FAM111B: variants seen among roughly 807,000 people sequenced by gnomAD.
FAM111B encodes the protein FAM111 trypsin like peptidase B, also known as serine protease FAM111B.
Under a neutral mutation model 2.8 loss-of-function variants are expected in FAM111B, and 1 was observed. That is an observed-to-expected ratio of 0.36 (90% CI 0.13 to 1.70). The LOEUF (loss-of-function observed/expected upper bound fraction) is 1.70. Among genes scored for constraint, FAM111B ranks in the 40% most tolerant of loss-of-function variants. The pLI is 0.35. For synonymous variants in FAM111B, 297 were observed against 295.6 expected (o/e 1.00, Z -0.05); for missense variants, 882 against 878.9 (o/e 1.00, Z -0.04).
At position 59,108,565 on chromosome 11, in the gene FAM111B, A is replaced by C. The variant is rs79123977; in HGVS notation, c.-131-103A>C. On this transcript the variant is annotated intron_variant, in intron 1 of 3. Transcript: ENST00000343597. ...AGTCTGCTAAAGTGGATTATAGGAT[A>C]CATTTCAATTGTCACTGTCCTTAAT... 9.2e-3 allele frequency: 1,448 copies of C among 156,596 alleles called. 24 individuals are homozygous for C. Among genetic ancestry groups the C allele is most frequent in the African/African-American group, 0.033 (1,377 of 41,658 alleles). 9.7% of individuals were successfully genotyped at this position (156,596 alleles called of 1,614,324 possible).
chr11:59,126,921 C>G lies in FAM111B; in HGVS notation c.*619C>G, dbSNP rs909721454. 6.4e-6 allele frequency: 1 copy of G among 155,406 alleles called. No individual in the cohort carries two copies. The highest frequency in any genetic ancestry group is 1.5e-5 in the Non-Finnish European group (1 of 68,006). 9.6% of individuals were successfully genotyped at this position (155,406 alleles called of 1,614,324 possible). On this transcript the variant is annotated 3_prime_UTR_variant, in exon 4 of 4. Coordinates refer to ENST00000343597, the MANE Select transcript of FAM111B (RefSeq NM_198947.4). ...TCCAAAGGAATATAAATTGTTCTAC[C>G]ATAAAGACATGCACATATATGTTCA...
chr11:59,125,045 T>C lies in FAM111B; in HGVS notation c.948T>C (p.Asp316=), dbSNP rs1436030588. 6.2e-7 allele frequency: 1 copy of C among 1,613,294 alleles called. No homozygotes were observed. The highest frequency in any genetic ancestry group is 8.5e-7 in the Non-Finnish European group (1 of 1,179,790). Residue 316 remains aspartate, a synonymous_variant, in exon 4 of 4, where the codon GAT becomes GAC. Coordinates refer to ENST00000343597, the MANE Select transcript of FAM111B (RefSeq NM_198947.4). ...HKPKKDGETK[D]VEHSREQILP... ...CAAAGAAAGATGGAGAGACCAAAGA[T>C]GTAGAACACAGCAGAGAGCAAATTC...
Position 59,125,167 on chromosome 11 carries a change from A to T in FAM111B, c.1070A>T (p.Tyr357Phe). The change falls in exon 4 of 4, where the codon TAT becomes TTT. Residue 357 changes from tyrosine to phenylalanine, a missense_variant. Tyr to Phe is a conservative substitution (Grantham distance 22). Coordinates refer to ENST00000343597, the MANE Select transcript of FAM111B (RefSeq NM_198947.4). ...TACTTTTGTAGTTTGCCCCGAAAAT[A>T]TAGGCAAATAAACTCACAAGTTAGA... ...NYYFCSLPRK[Y>F]RQINSQVRRR... 6.2e-7 allele frequency: 1 copy of T among 1,613,980 alleles called. No individual in the cohort carries two copies. Among genetic ancestry groups the T allele is most frequent in the Non-Finnish European group, 8.5e-7 (1 of 1,179,868 alleles).
chr11:59,114,812 G>A (rs1298981640), intron 3 of FAM111B, among the ~76,000 whole-genome samples: 1 of 152,184 alleles, frequency 6.6e-6, no homozygotes, highest in East Asian at 1.9e-4. Flanking sequence ...GTGTGTTTGT[G>A]TGTGTGCATG....
Position 59,125,008 on chromosome 11 carries a change from A to G in FAM111B, c.911A>G (p.Lys304Arg), listed in dbSNP as rs761415295. Reference sequence around the variant, plus strand: ...CAGAGTCTGATACAGTCTAAGAAAAAAGTCCACAAACCAAAGAAAGATGGA... The same window carrying G: ...CAGAGTCTGATACAGTCTAAGAAAAGAGTCCACAAACCAAAGAAAGATGGA... ...NHQSLIQSKKKVHKPKKDGET... is the reference protein window; with the variant it reads ...NHQSLIQSKKRVHKPKKDGET... Residue 304 changes from lysine to arginine, a missense_variant, in exon 4 of 4, where the codon AAA (lysine) becomes AGA (arginine). By Grantham distance (26) the Lys-to-Arg change is conservative. Coordinates refer to ENST00000343597, the MANE Select transcript of FAM111B (RefSeq NM_198947.4). 1 of 1,612,778 alleles carries G rather than the reference A, an allele frequency of 6.2e-7. No homozygotes were observed. The highest frequency in any genetic ancestry group is 1.1e-5 in the South Asian group (1 of 90,702).
chr11:59,124,876 C>A lies in FAM111B; in HGVS notation c.779C>A (p.Ser260Tyr), dbSNP rs753216985. Residue 260 changes from serine (S) to tyrosine (Y), a missense_variant, in exon 4 of 4, where the codon TCT becomes TAT. Coordinates refer to ENST00000343597, the MANE Select transcript of FAM111B (RefSeq NM_198947.4). ...AAACAGTCCATGGTGGATGAAGTAT[C>A]TGGAAAAGTCTTAGAAATGGACATT... is the stretch of plus-strand genomic sequence containing the variant. ...YGKQSMVDEVSGKVLEMDISK... is the reference protein window; with the variant it reads ...YGKQSMVDEVYGKVLEMDISK... The A allele has an allele frequency of 6.2e-7, 1 of 1,608,016 alleles. No individual in the cohort carries two copies.
chr11:59,114,577 C>G (rs1384594141), intron 3 of FAM111B, among the ~76,000 whole-genome samples: 1 of 152,230 alleles, frequency 6.6e-6, no homozygotes, highest in Non-Finnish European at 1.5e-5. Context: ...CACCTTAGCA[C>G]TGACAGGAAC....
intron 3 of FAM111B, among the ~76,000 whole-genome samples, chr11:59,116,599 G>A (rs1459635472): frequency 6.6e-6 from 1 of 152,188 alleles, no homozygotes; most frequent in East Asian, 1.9e-4. Flanking sequence ...CTGAGGAGAA[G>A]GCAGTTGAGG....
Position 59,126,377 on chromosome 11 carries a change from AT to A in FAM111B, c.*77del. 1 of 1,268,928 alleles carries A rather than the reference AT, an allele frequency of 7.9e-7. No individual in the cohort carries two copies. Among genetic ancestry groups the A allele is most frequent in the Admixed American group, 2.6e-5 (1 of 38,608 alleles). 78.6% of individuals were successfully genotyped at this position (1,268,928 alleles called of 1,614,324 possible). On this transcript the variant is annotated 3_prime_UTR_variant, in exon 4 of 4. Coordinates refer to ENST00000343597, the MANE Select transcript of FAM111B (RefSeq NM_198947.4). ...TTTCATGACAAAGACACTTAAAGCA[AT>A]TGCAACAAAAGTGAAAATTGGCAAA... is the stretch of plus-strand genomic sequence containing the variant.
rs769836398 is a variant in FAM111B at position 59,124,736 on chromosome 11, T to G, written c.639T>G (p.Ile213Met). ...ELHEKGSKLC[I>M]YALKGETIEG... ...ATGAAAAAGGAAGTAAACTTTGTAT[T>G]TATGCCTTGAAGGGTGAGACTATTG... Residue 213 changes from isoleucine (I) to methionine (M), a missense_variant, in exon 4 of 4, where the codon ATT becomes ATG. Physicochemically the swap from Ile to Met is conservative, Grantham distance 10 (BLOSUM62 1). Transcript: ENST00000343597. The G allele has an allele frequency of 6.2e-7, 1 of 1,613,800 alleles. No homozygotes were observed. The highest frequency in any genetic ancestry group is 8.5e-7 in the Non-Finnish European group (1 of 1,179,798).
intron 2 of FAM111B, among the ~76,000 whole-genome samples, chr11:59,108,967 G>A (rs1408563176): frequency 2.0e-5 from 3 of 151,942 alleles, no homozygotes; most frequent in South Asian, 2.1e-4. Flanking sequence ...TTATACTTTC[G>A]AAGCTTGCTT....
chr11:59,119,625 CT>C (rs888166366), intron 3 of FAM111B, among the ~76,000 whole-genome samples: 3 of 152,056 alleles, frequency 2.0e-5, no homozygotes, highest in African/African-American at 7.2e-5. Context: ...TTGGCTGCCC[CT>C]ATTACTATCA....
At chr11:59,107,392 G>A (rs146233626) in intron 1 of FAM111B, 96 bp downstream of exon 1, 2,934 of 152,766 alleles carry the variant, frequency 0.019, 51 homozygotes, top group Non-Finnish European at 0.031. Context: ...AAAGTCAAGG[G>A]GGTTTTGGAT....
Position 59,110,590 on chromosome 11 carries a change from A to T in FAM111B, c.81+884A>T, listed in dbSNP as rs569177418. ...TAAGAGGGCAGGAAGAGACTTTGGG[A>T]GGTGATAGATAGGTTGATGGCATAG... On this transcript the variant is annotated intron_variant, in intron 3 of 3. Coordinates refer to ENST00000343597, the MANE Select transcript of FAM111B (RefSeq NM_198947.4). Among the ~76,000 whole-genome samples, 41 of 152,272 alleles carry T rather than the reference A, an allele frequency of 2.7e-4. 1 individual carries two copies. The South Asian group carries it at 7.9e-3, about 29-fold the overall frequency.
In FAM111B at chr11:59,125,279, G is replaced by C. The variant is rs1860003217; in HGVS notation, c.1182G>C (p.Leu394Phe). Residue 394 changes from leucine (L) to phenylalanine (F), a missense_variant, in exon 4 of 4, where the codon TTG becomes TTC. Leu to Phe is a conservative substitution (Grantham distance 22, BLOSUM62 0). Transcript: ENST00000343597. ...ATCTCTTAAAGAATTATCAAACGTT[G>C]AATGAAGCCATAATGCATCAGTATC... is the stretch of plus-strand genomic sequence containing the variant. ...AINLLKNYQTLNEAIMHQYPN... is the reference protein window; with the variant it reads ...AINLLKNYQTFNEAIMHQYPN... 2 of 1,613,878 alleles carry C rather than the reference G, an allele frequency of 1.2e-6. No homozygotes were observed. Among genetic ancestry groups the C allele is most frequent in the Admixed American group, 1.7e-5 (1 of 59,990 alleles).
intron 3 of FAM111B, among the ~76,000 whole-genome samples, chr11:59,116,134 C>T (rs1859838128): frequency 6.6e-6 from 1 of 152,204 alleles, no homozygotes; most frequent in Non-Finnish European, 1.5e-5. Context: ...ACATAGAAGA[C>T]TCCAGAATCT....
intron 1 of FAM111B, among the ~76,000 whole-genome samples, 199 bp from the exon 2 acceptor site, chr11:59,108,469 T>C (rs1007802473): frequency 7.2e-5 from 11 of 152,356 alleles, no homozygotes; most frequent in African/African-American, 2.6e-4. Flanking sequence ...TTTGTCTCCT[T>C]AAATCTGGAA....
At chr11:59,116,685 A>AG (rs1213618154) in intron 3 of FAM111B, among the ~76,000 whole-genome samples, 1 of 152,242 alleles carries the variant, frequency 6.6e-6, no homozygotes, top group Non-Finnish European at 1.5e-5. Context: ...GCCTTAAGTC[A>AG]GGGGTTCTCA....
At chr11:59,118,835 T>C (rs1859879095) in intron 3 of FAM111B, among the ~76,000 whole-genome samples, 1 of 152,240 alleles carries the variant, frequency 6.6e-6, no homozygotes, top group Non-Finnish European at 1.5e-5. Flanking sequence ...ATTTTAATTA[T>C]TCTAATTGGC....
Sources: gnomAD v4.1 joint callset for allele counts (sites outside exome capture counted in the v4.1 genomes callset) on GRCh38, gnomAD v4.1.1 for gene constraint, MANE v1.5 for transcripts, NCBI Gene and HGNC (gene_info 2026-07-23, HGNC 2026-07-21) for gene names.